The following GPR158 variants were observed in gnomAD, a reference collection of about 807,000 sequenced individuals.
The protein encoded by GPR158 is G protein-coupled receptor 158.
In GPR158, 30 loss-of-function variants were observed where a neutral mutation model predicts 78.2. The ratio of observed to expected loss-of-function variants is 0.38; its 90% CI spans 0.29 to 0.52. GPR158 has a LOEUF of 0.52. GPR158 is among the 20% of genes least tolerant of loss of function. The pLI, the probability that GPR158 is intolerant of heterozygous loss-of-function variation, is 0.83. For missense variants in GPR158, 1,463 were observed against 1,523.5 expected, an observed-to-expected ratio of 0.96 and a Z score of 0.66; for synonymous variants, 581 against 591.1, an observed-to-expected ratio of 0.98 and a Z score of 0.25.
At chr10:25,200,203 C>T (rs765180334) in intron 1 of GPR158, among the ~76,000 whole-genome samples, 1 of 152,124 alleles carries the variant, frequency 6.6e-6, no homozygotes, top group African/African-American at 2.4e-5. Flanking sequence ...TTAATAACAG[C>T]CATTCTGACT....
intron 4 of GPR158, among the ~76,000 whole-genome samples, chr10:25,413,157 C>CAA (rs5783930): frequency 2.7e-5 from 4 of 150,562 alleles, no homozygotes; most frequent in East Asian, 2.0e-4. Context: ...CCTGTCTCTA[C>CAA]AAAAAAAAAC....
intron 2 of GPR158, among the ~76,000 whole-genome samples, chr10:25,341,431 T>C (rs1450021205): frequency 2.3e-4 from 35 of 152,008 alleles, no homozygotes; most frequent in Admixed American, 2.2e-3. Context: ...GCCAAGGATG[T>C]ATATTGTACT....
intron 4 of GPR158, among the ~76,000 whole-genome samples, chr10:25,418,935 A>G (rs538936082): frequency 1.2e-4 from 18 of 151,542 alleles, no homozygotes; most frequent in South Asian, 6.3e-4. Flanking sequence ...TTTAATAACA[A>G]TGCTAATTTT....
chr10:25,316,933 G>GTATATATA (rs35117291), intron 2 of GPR158, among the ~76,000 whole-genome samples: 2 of 148,896 alleles, frequency 1.3e-5, no homozygotes, highest in African/African-American at 2.5e-5. Flanking sequence ...GTATGTGTGT[G>GTATATATA]TATATATATA....
chr10:25,305,289 G>A (rs1330384718), intron 2 of GPR158, among the ~76,000 whole-genome samples: 2 of 152,100 alleles, frequency 1.3e-5, no homozygotes, highest in Non-Finnish European at 2.9e-5. Context: ...TACATGTTTA[G>A]TTTTTGTATA....
chr10:25,376,312 A>G (rs906316840), intron 2 of GPR158, among the ~76,000 whole-genome samples: 5 of 151,610 alleles, frequency 3.3e-5, no homozygotes, highest in Non-Finnish European at 7.4e-5. Context: ...GTTTCTTTTT[A>G]GTAGTTTATA....
chr10:25,290,640 A>C (rs1854421728), intron 2 of GPR158, among the ~76,000 whole-genome samples: 1 of 152,312 alleles, frequency 6.6e-6, no homozygotes, highest in African/African-American at 2.4e-5. Context: ...GAAAAATGTT[A>C]GATAATCAGG....
At chr10:25,251,822 G>A (rs1853805159) in intron 2 of GPR158, among the ~76,000 whole-genome samples, 1 of 150,098 alleles carries the variant, frequency 6.7e-6, no homozygotes, top group Non-Finnish European at 1.5e-5. Flanking sequence ...GAGTATCTTT[G>A]TGGCGTTCTC....
chr10:25,448,260 ATTTTTT>A (rs1014190731), intron 4 of GPR158, among the ~76,000 whole-genome samples: 1 of 142,364 alleles, frequency 7.0e-6, no homozygotes, highest in Non-Finnish European at 1.5e-5. Context: ...AATTTTTTGT[ATTTTTT>A]TTTTTAGTAG....
At chr10:25,422,111 G>C (rs1263262213) in intron 4 of GPR158, among the ~76,000 whole-genome samples, 2 of 151,992 alleles carry the variant, frequency 1.3e-5, no homozygotes, top group African/African-American at 2.4e-5. Flanking sequence ...ACCCACCACC[G>C]ACTGTTGCTT....
chr10:25,466,713 C>T lies in GPR158; in HGVS notation c.1398C>T (p.Tyr466=), dbSNP rs1329603439. 3 of 1,579,622 alleles carry T rather than the reference C, an allele frequency of 1.9e-6. No homozygotes were observed. The East Asian group carries it at 6.7e-5, about 36-fold the overall frequency. ...ETILFGSLLL[Y]FPVVILYFEP... is the part of the protein sequence containing the mutation. ...TCCTTTTTGGATCTCTGCTCCTATA[C>T]TTTCCAGTAAGTAACAGAATTTTGT... Residue 466 remains tyrosine (Y), a synonymous_variant, in exon 5 of 11, where the codon TAC becomes TAT. Coordinates refer to ENST00000376351, the MANE Select transcript of GPR158 (RefSeq NM_020752.3).
At chr10:25,233,128 A>T (rs1265422624) in intron 2 of GPR158, among the ~76,000 whole-genome samples, 1 of 152,202 alleles carries the variant, frequency 6.6e-6, no homozygotes, top group Non-Finnish European at 1.5e-5. Flanking sequence ...GGGACTTATA[A>T]GTCTGGAGGA....
chr10:25,491,054 G>T (rs1348335358), intron 5 of GPR158, among the ~76,000 whole-genome samples: 2 of 152,072 alleles, frequency 1.3e-5, no homozygotes, highest in Non-Finnish European at 2.9e-5. Flanking sequence ...AGAAACCTTG[G>T]AAACCAAATA....
At chr10:25,505,221 A>G (rs1835994924) in intron 5 of GPR158, among the ~76,000 whole-genome samples, 1 of 152,210 alleles carries the variant, frequency 6.6e-6, no homozygotes, top group Admixed American at 6.5e-5. Context: ...TTGAAAGTAA[A>G]GGAGATGTGT....
At chr10:25,307,221 A>G (rs375479291) in intron 2 of GPR158, among the ~76,000 whole-genome samples, 3 of 151,712 alleles carry the variant, frequency 2.0e-5, no homozygotes, top group African/African-American at 7.3e-5. Context: ...CTATTTAAAG[A>G]TAGTGTTTTT....
In GPR158 at chr10:25,372,054, A is replaced by G. The variant is rs570168500; in HGVS notation, c.1009-23857A>G. On this transcript the variant is annotated intron_variant, in intron 2 of 10. Coordinates refer to ENST00000376351, the MANE Select transcript of GPR158 (RefSeq NM_020752.3). The stretch of plus-strand genomic sequence containing the variant: ...GTCAAAAAGTGGGCGAAGGACATGA[A>G]CAGACACTTCTCAAAAGAAGACATT... 2.6e-5 allele frequency among the ~76,000 whole-genome samples: 4 copies of G among 151,344 alleles called. No homozygotes were observed. In the South Asian group the frequency reaches 6.3e-4, roughly 24 times the overall value.
At chr10:25,329,683 T>C (rs1325231613) in intron 2 of GPR158, among the ~76,000 whole-genome samples, 1 of 151,500 alleles carries the variant, frequency 6.6e-6, no homozygotes, top group African/African-American at 2.4e-5. Flanking sequence ...TAAAGACAAA[T>C]CCATTCTCTA....
At chr10:25,285,425 G>A (rs1033969275) in intron 2 of GPR158, among the ~76,000 whole-genome samples, 1 of 152,114 alleles carries the variant, frequency 6.6e-6, no homozygotes, top group Non-Finnish European at 1.5e-5. Context: ...ACCCTGGGAT[G>A]TTGGTAGCAT....
At chr10:25,363,383 T>C (rs1855671060) in intron 2 of GPR158, among the ~76,000 whole-genome samples, 1 of 151,948 alleles carries the variant, frequency 6.6e-6, no homozygotes, top group African/African-American at 2.4e-5. Context: ...TTCTGTTGAT[T>C]AAACCACACT....
Sources: allele counts gnomAD v4.1 joint callset (sites outside exome capture counted in the v4.1 genomes callset), GRCh38; gene constraint gnomAD v4.1.1; transcripts MANE v1.5; gene names NCBI Gene and HGNC (gene_info 2026-07-23, HGNC 2026-07-21).